ITGA11: variants seen among roughly 807,000 people sequenced by gnomAD.
ITGA11 encodes integrin subunit alpha 11, also known as integrin alpha-11.
In ITGA11, 97 loss-of-function variants were observed where a neutral mutation model predicts 141.9. That is an observed-to-expected ratio of 0.68 (90% CI 0.58 to 0.81). The LOEUF (loss-of-function observed/expected upper bound fraction) is 0.81. ITGA11 is among the 30% of genes least tolerant of loss of function. The probability of loss-of-function intolerance (pLI) is 0.00; values close to 1 mark genes in which losing one functional copy is unlikely to be tolerated. For synonymous variants in ITGA11, 658 were observed against 624.6 expected (o/e 1.05, Z -0.80); for missense variants, 1,387 against 1,559.2 (o/e 0.89, Z 1.86).
chr15:68,415,623 T>C (rs890593017), intron 1 of ITGA11, among the ~76,000 whole-genome samples: 1 of 152,210 alleles, frequency 6.6e-6, no homozygotes, highest in Non-Finnish European at 1.5e-5. Flanking sequence ...AGGCAAGGCC[T>C]GTGTCATGGA....
chr15:68,321,302 G>T lies in ITGA11; in HGVS notation c.2408+116C>A. On this transcript the variant is annotated intron_variant, in intron 19 of 29. Coordinates refer to ENST00000315757, the MANE Select transcript of ITGA11 (RefSeq NM_001004439.2). This position sits in a 1 kb window ranked among gnomAD's most constrained non-coding sequence, Gnocchi z 4.9. Reference sequence around the variant, plus strand: ...AACGCAGGCTCCAAGTGCAATGTTTGATCCATGCTGCCTGTGAGGAGGATG... The same window carrying T: ...AACGCAGGCTCCAAGTGCAATGTTTTATCCATGCTGCCTGTGAGGAGGATG... 1 of 564,964 alleles carries T rather than the reference G, an allele frequency of 1.8e-6. No homozygotes were observed. The highest frequency in any genetic ancestry group is 3.0e-6 in the Non-Finnish European group (1 of 331,682). 35.0% of individuals were successfully genotyped at this position (564,964 alleles called of 1,614,324 possible).
chr15:68,297,826 T>C lies in ITGA11; in HGVS notation c.*5233A>G, dbSNP rs930831177. On this transcript the variant is annotated 3_prime_UTR_variant, in exon 30 of 30. Transcript: ENST00000315757. ...TTCTCTGTGGCCATTCCAGCCTCTATAGAGATCTGAAAAAAACATTTAGTG... is the reference window on the plus strand; with the variant it reads ...TTCTCTGTGGCCATTCCAGCCTCTACAGAGATCTGAAAAAAACATTTAGTG... The C allele has an allele frequency of 6.6e-5, 10 of 152,172 alleles. No homozygotes were observed. The highest frequency in any genetic ancestry group is 8.8e-5 in the Non-Finnish European group (6 of 68,028). 9.4% of individuals were successfully genotyped at this position (152,172 alleles called of 1,614,324 possible).
chr15:68,394,057 A>G (rs540912921), intron 2 of ITGA11, among the ~76,000 whole-genome samples: 1 of 152,336 alleles, frequency 6.6e-6, no homozygotes, highest in South Asian at 2.1e-4. Flanking sequence ...ACAGTGGTAT[A>G]AGAGACCATT....
intron 2 of ITGA11, among the ~76,000 whole-genome samples, chr15:68,393,330 AG>A (rs1332027944): frequency 1.3e-5 from 2 of 152,216 alleles, no homozygotes; most frequent in African/African-American, 4.8e-5. Context: ...AAATGAAGGT[AG>A]AGAATTTTCC....
chr15:68,379,756 C>T (rs1895814462), intron 2 of ITGA11, among the ~76,000 whole-genome samples: 2 of 152,226 alleles, frequency 1.3e-5, no homozygotes, highest in African/African-American at 4.8e-5. Context: ...AAGTCATGCT[C>T]AGAGGTTTTT....
rs2271728 is a variant in ITGA11, at chr15:68,312,842, G to C, written c.2904C>G (p.Tyr968Ter). 6 of 1,613,342 alleles carry C rather than the reference G, an allele frequency of 3.7e-6. No individual in the cohort carries two copies. Among genetic ancestry groups the C allele is most frequent in the Non-Finnish European group, 5.1e-6 (6 of 1,179,410 alleles). ...CCAGCGAGCTGTTGGGCTTGACCTC[G>C]TAGTGGCTCAGGCTGCTGCTCCTGC... is the stretch of plus-strand genomic sequence containing the variant. ...LFTRSSSLSH[Y>*]EVKPNSSLER... The change falls in exon 24 of 30, where the codon TAC becomes TAG. Residue 968 changes from tyrosine to a stop codon, truncating the protein, a stop_gained. Coordinates refer to ENST00000315757, the MANE Select transcript of ITGA11 (RefSeq NM_001004439.2). LOFTEE classifies it high-confidence loss of function.
At chr15:68,306,321 CTCTCTG>C (rs1315253761) in intron 28 of ITGA11, among the ~76,000 whole-genome samples, 2 of 134,440 alleles carry the variant, frequency 1.5e-5, no homozygotes, top group African/African-American at 2.9e-5. Context: ...CTCTCTCTCT[CTCTCTG>C]TGTGTGTGAG....
At chr15:68,413,729 A>T (rs1237309358) in intron 1 of ITGA11, among the ~76,000 whole-genome samples, 1 of 152,160 alleles carries the variant, frequency 6.6e-6, no homozygotes, top group Non-Finnish European at 1.5e-5. Flanking sequence ...ACGCCAGCTG[A>T]CTTCCAGTTG....
At position 68,364,690 on chromosome 15, in the gene ITGA11, T is replaced by C; in HGVS notation, c.357+17A>G. The C allele has an allele frequency of 1.3e-6, 2 of 1,485,038 alleles. No individual in the cohort carries two copies. The highest frequency in any genetic ancestry group is 1.9e-6 in the Non-Finnish European group (2 of 1,073,266). 92.0% of individuals were successfully genotyped at this position (1,485,038 alleles called of 1,614,324 possible). ...CCCTGCCTCTCCTGACCCCAAGCAG[T>C]GGCAGGTGGCTCTTACCAGGAAGCT... On this transcript the variant is annotated intron_variant, in intron 4 of 29. Coordinates refer to ENST00000315757, the MANE Select transcript of ITGA11 (RefSeq NM_001004439.2).
chr15:68,327,329 G>A (rs995154499), intron 16 of ITGA11, among the ~76,000 whole-genome samples: 14 of 152,324 alleles, frequency 9.2e-5, no homozygotes, highest in African/African-American at 2.6e-4. Flanking sequence ...GCCAATTCCC[G>A]GAAAGGCTCA....
rs79798792 is a variant in ITGA11, at chr15:68,369,539, T to C, written c.165-255A>G. 2.8e-3 allele frequency among the ~76,000 whole-genome samples: 421 copies of C among 152,312 alleles called. 5 individuals carry two copies. The highest frequency in any genetic ancestry group is 9.8e-3 in the African/African-American group (406 of 41,564). On this transcript the variant is annotated intron_variant, in intron 2 of 29. Transcript: ENST00000315757. ...CCTAGGTACAGAGATGAAGACCACA[T>C]GGGCTCTGCAACAAATGGGATGGAG...
At chr15:68,405,788 G>T (rs534537489) in intron 1 of ITGA11, among the ~76,000 whole-genome samples, 18 of 150,382 alleles carry the variant, frequency 1.2e-4, no homozygotes, top group Non-Finnish European at 2.1e-4. Flanking sequence ...GGCATAGGGG[G>T]GTTACTGAAG....
rs1224060398 is a variant in ITGA11, at chr15:68,335,072, G to A, written c.1425+625C>T. Among the ~76,000 whole-genome samples, 1 of 152,184 alleles carries A rather than the reference G, an allele frequency of 6.6e-6. No individual in the cohort carries two copies. The highest frequency in any genetic ancestry group is 1.5e-5 in the Non-Finnish European group (1 of 68,032). On this transcript the variant is annotated intron_variant, in intron 12 of 29. Coordinates refer to ENST00000315757, the MANE Select transcript of ITGA11 (RefSeq NM_001004439.2). The surrounding 1 kb of genome is among the most constrained non-coding windows in gnomAD (Gnocchi z 4.9). ...TTCCCAGGCTCAGGAGAGCCGGCAGGGAGCTGGGGACAACATGGAAGGGCC... is the reference window on the plus strand; with the variant it reads ...TTCCCAGGCTCAGGAGAGCCGGCAGAGAGCTGGGGACAACATGGAAGGGCC...
intron 11 of ITGA11, among the ~76,000 whole-genome samples, chr15:68,338,189 T>C (rs1894434316): frequency 6.6e-6 from 1 of 152,260 alleles, no homozygotes; most frequent in Non-Finnish European, 1.5e-5. Context: ...CGAGTCATTC[T>C]AGTTTCTAGT....
Position 68,432,047 on chromosome 15 carries a change from A to C in ITGA11, c.20T>G (p.Leu7Arg). 7.4e-7 allele frequency: 1 copy of C among 1,348,538 alleles called. No individual in the cohort carries two copies. The highest frequency in any genetic ancestry group is 9.5e-7 in the Non-Finnish European group (1 of 1,048,730). The allele number at this position is 1,348,538 out of a possible 1,614,324, so 83.5% of individuals were successfully genotyped here. A position where few individuals can be genotyped will look rare whatever the true frequency, so the allele number is the denominator to read the frequency against. Reference sequence around the variant, plus strand: ...CAGGCTGAGCGCCCAGGCCACCACCAGGCCCCTGGGCAGGTCCATGGCCCG... The same window carrying C: ...CAGGCTGAGCGCCCAGGCCACCACCCGGCCCCTGGGCAGGTCCATGGCCCG... MDLPRG[L>R]VVAWALSLWP... The change falls in exon 1 of 30, where the codon CTG becomes CGG. Residue 7 changes from leucine (L) to arginine (R), a missense_variant. Physicochemically the swap from Leu to Arg is moderately radical, Grantham distance 102. Coordinates refer to ENST00000315757, the MANE Select transcript of ITGA11 (RefSeq NM_001004439.2).
chr15:68,414,534 C>G (rs1489587243), intron 1 of ITGA11, among the ~76,000 whole-genome samples: 1 of 152,224 alleles, frequency 6.6e-6, no homozygotes, highest in African/African-American at 2.4e-5. Flanking sequence ...CTCTGGACCT[C>G]TGTCTCCTCT....
intron 5 of ITGA11, 107 bp from the exon 6 acceptor site, chr15:68,358,692 T>C (rs987496909): frequency 2.1e-5 from 26 of 1,214,068 alleles, no homozygotes; most frequent in Non-Finnish European, 2.9e-5. Context: ...GCTCCATATG[T>C]GTAATTCCCT....
chr15:68,361,635 T>G lies in ITGA11; in HGVS notation c.427A>C (p.Asn143His), dbSNP rs755134344. ...YYTTGMCSRV[N>H]SNFRFSKTVA... Reference sequence around the variant, plus strand: ...GTCTTGGAGAACCTGAAGTTGGAGTTGACTCTTGAACACATCCCTGTGGTG... The same window carrying G: ...GTCTTGGAGAACCTGAAGTTGGAGTGGACTCTTGAACACATCCCTGTGGTG... The change falls in exon 5 of 30, where the codon AAC (asparagine) becomes CAC (histidine). Residue 143 changes from asparagine (N) to histidine (H), a missense_variant. Transcript: ENST00000315757. 1 of 1,610,714 alleles carries G rather than the reference T, an allele frequency of 6.2e-7. No individual in the cohort carries two copies. The highest frequency in any genetic ancestry group is 2.2e-5 in the East Asian group (1 of 44,828).
At chr15:68,389,921 C>T (rs1275405563) in intron 2 of ITGA11, among the ~76,000 whole-genome samples, 1 of 152,226 alleles carries the variant, frequency 6.6e-6, no homozygotes, top group African/African-American at 2.4e-5. Context: ...AGGCCCTCTG[C>T]AAGCCCTGCA....
Sources: allele counts gnomAD v4.1 joint callset (sites outside exome capture counted in the v4.1 genomes callset), GRCh38; gene constraint gnomAD v4.1.1; non-coding constraint Gnocchi (gnomAD v3.1); transcripts MANE v1.5; gene names NCBI Gene and HGNC (gene_info 2026-07-23, HGNC 2026-07-21).